The following NCR2 variants were observed in gnomAD, a reference collection of about 807,000 sequenced individuals.
The protein encoded by NCR2 is NK cell activating receptor (NKp44).
Under a neutral mutation model 30.7 loss-of-function variants are expected in NCR2, and 35 were observed. That is an observed-to-expected ratio of 1.14 (90% CI 0.87 to 1.51). The LOEUF (loss-of-function observed/expected upper bound fraction) is 1.51. Among genes scored for constraint, NCR2 ranks in the 40% most tolerant of loss-of-function variants. The pLI, the probability that NCR2 is intolerant of heterozygous loss-of-function variation, is 0.00. For missense variants in NCR2, 316 were observed against 328.9 expected (o/e 0.96, Z 0.30); for synonymous variants, 146 against 134.8 (o/e 1.08, Z -0.58).
chr6:41,344,525 C>T (rs73733215), intron 4 of NCR2, among the ~76,000 whole-genome samples: 9,203 of 152,220 alleles, frequency 0.06, 763 homozygotes, highest in African/African-American at 0.19. Flanking sequence ...AGAAAGTTCC[C>T]CAAGGTTACA....
chr6:41,342,138 G>T lies in NCR2; in HGVS notation c.633G>T (p.Leu211=). ...LVAKSLVLSA[L]LVWWGDIWWK... Reference sequence around the variant, plus strand: ...CCAAGAGCCTGGTGCTGTCAGCCCTGCTCGTCTGGTGGTGAGTGTGGTGTG... The same window carrying T: ...CCAAGAGCCTGGTGCTGTCAGCCCTTCTCGTCTGGTGGTGAGTGTGGTGTG... The change falls in exon 4 of 5, where the codon CTG becomes CTT. Residue 211 remains leucine (L), a synonymous_variant. Coordinates refer to ENST00000373089, the MANE Select transcript of NCR2 (RefSeq NM_004828.4). 17 of 1,612,984 alleles carry T rather than the reference G, an allele frequency of 1.1e-5. No homozygotes were observed. The highest frequency in any genetic ancestry group is 1.4e-5 in the Non-Finnish European group (17 of 1,180,006).
chr6:41,342,983 C>G (rs1419001967), intron 4 of NCR2: 15 of 1,550,496 alleles, frequency 9.7e-6, no homozygotes, highest in Non-Finnish European at 1.2e-5. Flanking sequence ...CAGCCCAGGC[C>G]CCAGGCCCAT....
chr6:41,350,651 C>T, intron 4 of NCR2, 27 bp from the exon 5 acceptor site: 3 of 1,603,368 alleles, frequency 1.9e-6, no homozygotes, highest in Non-Finnish European at 2.6e-6. Context: ...CTCTGACCAC[C>T]TTCCTGGTTT....
At position 41,339,207 on chromosome 6, in the gene NCR2, G is replaced by A. The variant is rs571081841; in HGVS notation, c.395-2587G>A. On this transcript the variant is annotated intron_variant, in intron 2 of 4. Coordinates refer to ENST00000373089, the MANE Select transcript of NCR2 (RefSeq NM_004828.4). ...CTCCGGTGTAGCTGGGACTACAGGC[G>A]CCTGCCACCACACCCGGCTAATTTT... Among the ~76,000 whole-genome samples, 19 of 151,942 alleles carry A rather than the reference G, an allele frequency of 1.3e-4. No individual in the cohort carries two copies. The East Asian group carries it at 1.4e-3, about 11-fold the overall frequency.
chr6:41,337,518 A>G (rs1312328934), intron 2 of NCR2, among the ~76,000 whole-genome samples: 3 of 152,234 alleles, frequency 2.0e-5, no homozygotes, highest in African/African-American at 7.2e-5. Flanking sequence ...TTTAAGGATT[A>G]TAATGTGACA....
intron 2 of NCR2, among the ~76,000 whole-genome samples, chr6:41,340,907 G>A (rs966999184): frequency 6.6e-6 from 1 of 152,054 alleles, no homozygotes. Context: ...TCTCTCCAGG[G>A]AGGACCTTCC....
At chr6:41,345,431 T>A (rs1769278390) in intron 4 of NCR2, among the ~76,000 whole-genome samples, 1 of 152,164 alleles carries the variant, frequency 6.6e-6, no homozygotes, top group South Asian at 2.1e-4. Context: ...AGGATGGGTT[T>A]ATGCCATTTT....
chr6:41,336,676 A>T (rs1380767314), intron 2 of NCR2, among the ~76,000 whole-genome samples: 1 of 152,178 alleles, frequency 6.6e-6, no homozygotes, highest in African/African-American at 2.4e-5. Flanking sequence ...GAGCATGCTG[A>T]CCAGTCAGCC....
chr6:41,338,654 T>A (rs1769090083), intron 2 of NCR2, among the ~76,000 whole-genome samples: 1 of 152,262 alleles, frequency 6.6e-6, no homozygotes, highest in Admixed American at 6.5e-5. Context: ...TCAAATTGCA[T>A]ATACTAAAAG....
intron 2 of NCR2, among the ~76,000 whole-genome samples, chr6:41,337,494 C>T (rs6916655): frequency 0.011 from 1,617 of 152,236 alleles, 35 homozygotes; most frequent in African/African-American, 0.036. Flanking sequence ...AAACAAACAC[C>T]CTGTCTTTCC....
chr6:41,345,394 A>G (rs759270566), intron 4 of NCR2, among the ~76,000 whole-genome samples: 3 of 151,996 alleles, frequency 2.0e-5, no homozygotes, highest in Non-Finnish European at 4.4e-5. Context: ...CCTTCAAAAC[A>G]TGTATGGAGC....
rs147401352 is a variant in NCR2, at chr6:41,350,773, C to T, written c.740C>T (p.Thr247Ile). The T allele has an allele frequency of 4.5e-5, 68 of 1,511,218 alleles. No individual in the cohort carries two copies. In the Middle Eastern group the frequency reaches 6.8e-4, roughly 15 times the overall value. 93.6% of individuals were successfully genotyped at this position (1,511,218 alleles called of 1,614,324 possible). Residue 247 changes from threonine to isoleucine, a missense_variant, in exon 5 of 5, where the codon ACC becomes ATC. Coordinates refer to ENST00000373089, the MANE Select transcript of NCR2 (RefSeq NM_004828.4). ...CAACAGGTCACGGACCTTCCCTGGACCTCAGTTTCCTCACCTGTAGAGAGA... is the reference window on the plus strand; with the variant it reads ...CAACAGGTCACGGACCTTCCCTGGATCTCAGTTTCCTCACCTGTAGAGAGA... ...HLQQVTDLPWTSVSSPVEREI... is the reference protein window; with the variant it reads ...HLQQVTDLPWISVSSPVEREI...
At chr6:41,345,898 A>G (rs976595700) in intron 4 of NCR2, among the ~76,000 whole-genome samples, 9 of 152,140 alleles carry the variant, frequency 5.9e-5, no homozygotes, top group Admixed American at 5.2e-4. Flanking sequence ...CTCCGAGGAC[A>G]ATGCTTTCTC....
intron 2 of NCR2, among the ~76,000 whole-genome samples, chr6:41,338,317 G>T (rs1769083628): frequency 6.6e-6 from 1 of 152,170 alleles, no homozygotes; most frequent in African/African-American, 2.4e-5. Context: ...TAAAGAGAAT[G>T]ATTTCAAATT....
chr6:41,350,591 T>C, intron 4 of NCR2, 87 bp from the exon 5 acceptor site: 1 of 1,160,380 alleles, frequency 8.6e-7, no homozygotes, highest in South Asian at 1.5e-5. Context: ...CTGCGAGTAG[T>C]GGGATGGGGA....
At chr6:41,348,465 C>CA (rs35757553) in intron 4 of NCR2, among the ~76,000 whole-genome samples, 91,625 of 147,288 alleles carry the variant, frequency 0.62, 28,658 homozygotes, top group East Asian at 0.85. Flanking sequence ...AAGGGGGAGA[C>CA]AAAAAAAAAA....
At chr6:41,344,900 C>G in intron 4 of NCR2, among the ~76,000 whole-genome samples, 1 of 152,174 alleles carries the variant, frequency 6.6e-6, no homozygotes, top group East Asian at 1.9e-4. Flanking sequence ...TCTTTCACAG[C>G]TCTGTTTCTC....
intron 4 of NCR2, 39 bp downstream of exon 4, chr6:41,342,188 A>G (rs756029033): frequency 6.8e-6 from 11 of 1,606,518 alleles, no homozygotes; most frequent in Non-Finnish European, 9.3e-6. Flanking sequence ...AAAATGGAAC[A>G]GGGAACAGCT....
chr6:41,345,150 G>A (rs1243419852), intron 4 of NCR2, among the ~76,000 whole-genome samples: 1 of 152,084 alleles, frequency 6.6e-6, no homozygotes, highest in Non-Finnish European at 1.5e-5. Context: ...CAGAGGATGT[G>A]GGCAGCTAAC....
Sources: gnomAD v4.1 joint callset for allele counts (sites outside exome capture counted in the v4.1 genomes callset) on GRCh38, gnomAD v4.1.1 for gene constraint, MANE v1.5 for transcripts, NCBI Gene and HGNC (gene_info 2026-07-23, HGNC 2026-07-21) for gene names.